DDX52: variants seen among roughly 807,000 people sequenced by gnomAD.
DDX52 encodes the protein probable ATP-dependent RNA helicase DDX52.
A neutral mutation model predicts 76.1 loss-of-function variants in DDX52; 59 were observed. The observed-to-expected ratio is 0.78, with a 90% CI of 0.63 to 0.96. The LOEUF (loss-of-function observed/expected upper bound fraction) is 0.96. DDX52 is among the 40% of genes least tolerant of loss of function. DDX52 has a pLI of 0.00. For synonymous variants in DDX52, 231 were observed against 244.1 expected (o/e 0.95, Z 0.50); for missense variants, 707 against 703.9 (o/e 1.00, Z -0.05).
intron 12 of DDX52, chr17:37,620,232 C>T: frequency 5.4e-6 from 1 of 184,310 alleles, no homozygotes; most frequent in Admixed American, 5.5e-5. Flanking sequence ...CACAACAAGC[C>T]TGTGTTGTAA....
At position 37,643,445 on chromosome 17, in the gene DDX52, C is replaced by T. The variant is rs34942134; in HGVS notation, c.-25G>A. 1.2e-6 allele frequency: 2 copies of T among 1,611,834 alleles called. No individual in the cohort carries two copies. The highest frequency in any genetic ancestry group is 3.3e-5 in the Admixed American group (2 of 59,932). On this transcript the variant is annotated 5_prime_UTR_variant, in exon 1 of 15. Transcript: ENST00000617633. The stretch of plus-strand genomic sequence containing the variant: ...TCTTTACCCAGAAAGCGCCACAGTT[C>T]TACGGCGCCTGCGCAGACTACTTCC...
At chr17:37,641,253 T>C (rs918895214) in intron 2 of DDX52, among the ~76,000 whole-genome samples, 6 of 151,394 alleles carry the variant, frequency 4.0e-5, no homozygotes, top group African/African-American at 1.5e-4. Flanking sequence ...ATACAAAAAA[T>C]TAGCCAGGTG....
At chr17:37,624,271 T>C in intron 9 of DDX52, 73 bp downstream of exon 9, 5 of 1,131,556 alleles carry the variant, frequency 4.4e-6, no homozygotes, top group Non-Finnish European at 6.5e-6. Context: ...GTGCTACCAC[T>C]GTAATAGCCT....
intron 2 of DDX52, 59 bp downstream of exon 2, chr17:37,642,051 T>C: frequency 1.9e-6 from 3 of 1,599,642 alleles, no homozygotes; most frequent in Non-Finnish European, 2.6e-6. Flanking sequence ...TAAGCCTGTA[T>C]TATTTTTATA....
intron 2 of DDX52, among the ~76,000 whole-genome samples, chr17:37,638,451 A>G (rs1401804582): frequency 6.6e-6 from 1 of 152,238 alleles, no homozygotes; most frequent in Non-Finnish European, 1.5e-5. Context: ...TTGGTGTACA[A>G]ATACAGAAAC....
intron 2 of DDX52, among the ~76,000 whole-genome samples, chr17:37,639,018 C>A (rs1336609393): frequency 1.3e-5 from 2 of 151,888 alleles, no homozygotes; most frequent in Non-Finnish European, 2.9e-5. Context: ...GTGGTCAGCC[C>A]GCCTCCGCCT....
chr17:37,643,188 G>T, intron 1 of DDX52, 146 bp downstream of exon 1: 3 of 742,972 alleles, frequency 4.0e-6, no homozygotes, highest in Non-Finnish European at 6.5e-6. Flanking sequence ...CAGGCAAGCC[G>T]AACACAAAAG....
At position 37,621,211 on chromosome 17, in the gene DDX52, C is replaced by T; in HGVS notation, c.1417G>A (p.Ala473Thr). The change falls in exon 11 of 15, where the codon GCA becomes ACA. Residue 473 changes from alanine (A) to threonine (T), a missense_variant. By Grantham distance (58) the Ala-to-Thr change is moderately conservative. Coordinates refer to ENST00000617633, the MANE Select transcript of DDX52 (RefSeq NM_007010.5). ...IWVLICTALLARGIDFKGVNL... is the reference protein window; with the variant it reads ...IWVLICTALLTRGIDFKGVNL... Reference sequence around the variant, plus strand: ...ACACCTTTAAAATCAATCCCTCTTGCTAGCAAGGCTGTACAAATCAGAACC... The same window carrying T: ...ACACCTTTAAAATCAATCCCTCTTGTTAGCAAGGCTGTACAAATCAGAACC... The T allele has an allele frequency of 1.2e-6, 2 of 1,614,042 alleles. No individual in the cohort carries two copies. Among genetic ancestry groups the T allele is most frequent in the Non-Finnish European group, 1.7e-6 (2 of 1,179,950 alleles).
chr17:37,634,174 C>T (rs1204922994), intron 2 of DDX52, among the ~76,000 whole-genome samples: 3 of 151,560 alleles, frequency 2.0e-5, no homozygotes, highest in East Asian at 2.0e-4. Flanking sequence ...GTCTCAAACA[C>T]CTGACCTCAA....
chr17:37,620,800 T>C, intron 12 of DDX52, 73 bp downstream of exon 12: 1 of 1,381,130 alleles, frequency 7.2e-7, no homozygotes, highest in South Asian at 1.4e-5. Flanking sequence ...TGTAATTATC[T>C]CTTAATTGAA....
chr17:37,616,739 T>C (rs141121222), intron 14 of DDX52, among the ~76,000 whole-genome samples: 45 of 152,270 alleles, frequency 3.0e-4, no homozygotes, highest in South Asian at 8.3e-4. Flanking sequence ...TACTTATTGA[T>C]TGATTGACTA....
At position 37,628,645 on chromosome 17, in the gene DDX52, CAG is replaced by C; in HGVS notation, c.773_774del (p.Ser258Ter). On this transcript the variant is annotated frameshift_variant, in exon 6 of 15. Transcript: ENST00000617633. LOFTEE classifies it high-confidence loss of function. ...SQIHRELIKI[S>X]EGTGFRIHMI... is the part of the protein sequence containing the mutation. ...ATGTGTATTCTGAATCCTGTTCCCTCAGAAATTTTTATTAACTCTCTGTGAAT... is the reference window on the plus strand; with the variant it reads ...ATGTGTATTCTGAATCCTGTTCCCTCAAATTTTTATTAACTCTCTGTGAAT... 6.2e-7 allele frequency: 1 copy of C among 1,600,884 alleles called. No homozygotes were observed. Among genetic ancestry groups the C allele is most frequent in the Non-Finnish European group, 8.5e-7 (1 of 1,176,270 alleles).
Position 37,643,369 on chromosome 17 carries a change from T to C in DDX52, c.52A>G (p.Thr18Ala), listed in dbSNP as rs35320837. The C allele has an allele frequency of 1.2e-4, 198 of 1,613,952 alleles. No individual in the cohort carries two copies. In the African/African-American group the frequency reaches 2.3e-3, roughly 19 times the overall value. Reference protein sequence around the residue: ...RRLGAGAKFDTRRFSADAARF... With the variant: ...RRLGAGAKFDARRFSADAARF... The stretch of plus-strand genomic sequence containing the variant: ...GCTGCGTCTGCCGAGAAGCGTCTCG[T>C]GTCGAATTTGGCCCCCGCGCCGAGC... The change falls in exon 1 of 15, where the codon ACG (threonine) becomes GCG (alanine). Residue 18 changes from threonine (T) to alanine (A), a missense_variant. Transcript: ENST00000617633.
At chr17:37,617,305 CAG>C (rs1468954381) in intron 14 of DDX52, among the ~76,000 whole-genome samples, 1 of 152,102 alleles carries the variant, frequency 6.6e-6, no homozygotes, top group Non-Finnish European at 1.5e-5. Context: ...ATAGCACTCT[CAG>C]GGGAGAAAAA....
chr17:37,623,005 G>C (rs1456567177), intron 9 of DDX52, among the ~76,000 whole-genome samples: 1 of 152,194 alleles, frequency 6.6e-6, no homozygotes, highest in African/African-American at 2.4e-5. Flanking sequence ...GGTGGAGCTA[G>C]AACTACCCAA....
At chr17:37,639,264 T>C (rs2031074244) in intron 2 of DDX52, among the ~76,000 whole-genome samples, 1 of 152,030 alleles carries the variant, frequency 6.6e-6, no homozygotes, top group Non-Finnish European at 1.5e-5. Flanking sequence ...TGTAATACAA[T>C]AAGGGTACAA....
chr17:37,620,997 T>A, intron 11 of DDX52, 49 bp from the exon 12 acceptor site: 1 of 1,564,040 alleles, frequency 6.4e-7, no homozygotes, highest in Non-Finnish European at 8.6e-7. Flanking sequence ...GGAAGGAGGC[T>A]CTCAAAATTC....
At chr17:37,629,425 T>C (rs937399176) in intron 5 of DDX52, among the ~76,000 whole-genome samples, 23 of 151,374 alleles carry the variant, frequency 1.5e-4, no homozygotes, top group Non-Finnish European at 4.4e-5. Context: ...GTAAGCCCTG[T>C]ACTTTGGCAG....
chr17:37,643,105 G>C (rs1192736822), intron 1 of DDX52: 1 of 405,410 alleles, frequency 2.5e-6, no homozygotes, highest in Non-Finnish European at 4.4e-6. Context: ...GAGGGTTTCC[G>C]TGCCAGGCCC....
Sources: allele counts gnomAD v4.1 joint callset (sites outside exome capture counted in the v4.1 genomes callset), GRCh38; gene constraint gnomAD v4.1.1; transcripts MANE v1.5; gene names NCBI Gene and HGNC (gene_info 2026-07-23, HGNC 2026-07-21).